Variants in WDR25 observed in about 807,000 individuals in gnomAD.
WDR25 encodes the protein WD repeat-containing protein 25.
A neutral mutation model predicts 47.7 loss-of-function variants in WDR25; 35 were observed. That is an observed-to-expected ratio of 0.73 (90% confidence interval 0.56 to 0.97). The LOEUF (loss-of-function observed/expected upper bound fraction) is 0.97, where lower values mean the gene tolerates loss of function less well. Ranked by LOEUF, WDR25 falls within the 50% of genes least tolerant of loss-of-function variation. The pLI, the probability that WDR25 is intolerant of heterozygous loss-of-function variation, is 0.00. For missense variants in WDR25, 634 were observed against 704.7 expected, an observed-to-expected ratio of 0.90 and a Z score of 1.14; for synonymous variants, 248 against 278.9, an observed-to-expected ratio of 0.89 and a Z score of 1.10.
At chr14:100,487,011 A>G (rs1204671302) in intron 4 of WDR25, among the ~76,000 whole-genome samples, 1 of 152,218 alleles carries the variant, frequency 6.6e-6, no homozygotes, top group East Asian at 1.9e-4. Context: ...GGTTTTTAAA[A>G]AAATTATAAA....
rs1900475571 is a variant in WDR25, at chr14:100,488,975, A to G, written c.1101+4851A>G. 6.6e-6 allele frequency among the ~76,000 whole-genome samples: 1 copy of G among 152,212 alleles called. No individual in the cohort carries two copies. Among genetic ancestry groups the G allele is most frequent in the Non-Finnish European group, 1.5e-5 (1 of 68,038 alleles). On this transcript the variant is annotated intron_variant, in intron 4 of 6. Coordinates refer to ENST00000402312, the MANE Select transcript of WDR25 (RefSeq NM_001161476.3). This position sits in a 1 kb window ranked among gnomAD's most constrained non-coding sequence, Gnocchi z 4.2. ...TAACCTGGAGTGAGCTGATGGGGTC[A>G]GCCGCCACTGTCATTGTGATAGAGG...
At chr14:100,437,598 T>C (rs549269571) in intron 2 of WDR25, among the ~76,000 whole-genome samples, 1 of 152,266 alleles carries the variant, frequency 6.6e-6, no homozygotes, top group South Asian at 2.1e-4. Flanking sequence ...TGGGATGACA[T>C]GTGTCCAGCA....
intron 2 of WDR25, among the ~76,000 whole-genome samples, chr14:100,460,677 G>T (rs1899381788): frequency 6.6e-6 from 1 of 151,862 alleles, no homozygotes; most frequent in South Asian, 2.1e-4. Flanking sequence ...CAGCAAACTA[G>T]AAATAGAAGA....
chr14:100,382,401 G>T (rs114765184), intron 2 of WDR25, among the ~76,000 whole-genome samples: 183 of 152,272 alleles, frequency 1.2e-3, no homozygotes, highest in African/African-American at 4.3e-3. Context: ...GTATGTGTTG[G>T]CTCCAAGCAT....
At chr14:100,390,341 G>A (rs758729008) in intron 2 of WDR25, among the ~76,000 whole-genome samples, 12 of 151,338 alleles carry the variant, frequency 7.9e-5, no homozygotes, top group Non-Finnish European at 1.8e-4. Context: ...ATTTCCTGCT[G>A]CTCATTCCAA....
chr14:100,376,723 C>T, intron 1 of WDR25: 1 of 1,230,446 alleles, frequency 8.1e-7, no homozygotes, highest in Non-Finnish European at 1.0e-6. Context: ...TTGTTTGTTG[C>T]TTTCATCGCT....
At position 100,500,721 on chromosome 14, in the gene WDR25, G is replaced by A. The variant is rs951880991; in HGVS notation, c.1101+16597G>A. On this transcript the variant is annotated intron_variant, in intron 4 of 6. Coordinates refer to ENST00000402312, the MANE Select transcript of WDR25 (RefSeq NM_001161476.3). The surrounding 1 kb of genome is among the most constrained non-coding windows in gnomAD (Gnocchi z 4.7). Reference sequence around the variant, plus strand: ...ACGTGGCTTCTTTGGGGTTGAGGGTGCGTGGAGGAGGCAGCTGCAGGTGGT... The same window carrying A: ...ACGTGGCTTCTTTGGGGTTGAGGGTACGTGGAGGAGGCAGCTGCAGGTGGT... Among the ~76,000 whole-genome samples the A allele has an allele frequency of 1.3e-5, 2 of 152,122 alleles. No homozygotes were observed. The highest frequency in any genetic ancestry group is 6.5e-5 in the Admixed American group (1 of 15,280).
chr14:100,450,327 C>A (rs767380724), intron 2 of WDR25, among the ~76,000 whole-genome samples: 11 of 152,322 alleles, frequency 7.2e-5, no homozygotes, highest in Middle Eastern at 3.4e-3. Flanking sequence ...TCTGGAGAAG[C>A]CTGCTGACCT....
intron 2 of WDR25, among the ~76,000 whole-genome samples, chr14:100,431,085 T>G (rs1470776763): frequency 1.3e-5 from 2 of 152,218 alleles, no homozygotes; most frequent in African/African-American, 2.4e-5. Context: ...TCTATCACTC[T>G]CTTTGGCCCC....
chr14:100,478,271 A>G (rs1183793220), intron 3 of WDR25, among the ~76,000 whole-genome samples: 1 of 152,206 alleles, frequency 6.6e-6, no homozygotes. Flanking sequence ...ACCGCGTTAC[A>G]TTTAGCTCTC....
chr14:100,432,427 C>G (rs767897224), intron 2 of WDR25, among the ~76,000 whole-genome samples: 1 of 152,178 alleles, frequency 6.6e-6, no homozygotes, highest in Non-Finnish European at 1.5e-5. Context: ...GCAAATAACT[C>G]CATCAAGTTC....
rs1897900865 is a variant in WDR25, at chr14:100,417,462, C to G, written c.822+35716C>G. 2.0e-5 allele frequency among the ~76,000 whole-genome samples: 3 copies of G among 152,288 alleles called. No individual in the cohort carries two copies. The South Asian group carries it at 6.2e-4, about 32-fold the overall frequency. ...GGCTCTTTCCCATGACCTAGGTGCCCCTTCCAACCCCCACCATCCTGTTAA... is the reference window on the plus strand; with the variant it reads ...GGCTCTTTCCCATGACCTAGGTGCCGCTTCCAACCCCCACCATCCTGTTAA... On this transcript the variant is annotated intron_variant, in intron 2 of 6. Transcript: ENST00000402312.
At chr14:100,466,869 T>C (rs1899647600) in intron 2 of WDR25, among the ~76,000 whole-genome samples, 1 of 152,224 alleles carries the variant, frequency 6.6e-6, no homozygotes, top group Non-Finnish European at 1.5e-5. Flanking sequence ...GCCCTGGGCC[T>C]ACCCTGACAT....
intron 3 of WDR25, chr14:100,476,481 G>A (rs1324984409): frequency 6.6e-6 from 1 of 152,234 alleles, no homozygotes; most frequent in Non-Finnish European, 1.5e-5. Flanking sequence ...AACAGCATAA[G>A]CTTTCCCTTG....
chr14:100,482,540 G>A (rs775971807), intron 3 of WDR25, among the ~76,000 whole-genome samples: 3 of 152,114 alleles, frequency 2.0e-5, no homozygotes, highest in Non-Finnish European at 4.4e-5. Flanking sequence ...TGGATGGGGC[G>A]TACTGTCAAA....
chr14:100,378,394 C>G (rs1002376902), intron 1 of WDR25, among the ~76,000 whole-genome samples: 1 of 152,024 alleles, frequency 6.6e-6, no homozygotes, highest in Non-Finnish European at 1.5e-5. Context: ...GTCTCGAACT[C>G]GACCTCAGGT....
chr14:100,497,902 G>A, intron 4 of WDR25, among the ~76,000 whole-genome samples: 1 of 152,134 alleles, frequency 6.6e-6, no homozygotes, highest in Admixed American at 6.6e-5. Flanking sequence ...TGGGATGCGA[G>A]CCCTGTGAGG....
chr14:100,403,822 G>A (rs1376695747), intron 2 of WDR25, among the ~76,000 whole-genome samples: 1 of 152,122 alleles, frequency 6.6e-6, no homozygotes, highest in Non-Finnish European at 1.5e-5. Flanking sequence ...TGAAGTGCTT[G>A]GCCCTCAGAC....
intron 2 of WDR25, 69 bp downstream of exon 2, chr14:100,381,815 T>C: frequency 1.5e-6 from 2 of 1,316,978 alleles, no homozygotes; most frequent in Admixed American, 4.9e-5. Context: ...AATAGTGAAG[T>C]GGAGGGAGGT....
Sources: gnomAD v4.1 joint callset for allele counts (sites outside exome capture counted in the v4.1 genomes callset) on GRCh38, gnomAD v4.1.1 for gene constraint, Gnocchi (gnomAD v3.1) non-coding constraint, MANE v1.5 for transcripts, NCBI Gene and HGNC (gene_info 2026-07-23, HGNC 2026-07-21) for gene names.